TXNDC8: variants seen among roughly 807,000 people sequenced by gnomAD.
TXNDC8 encodes thioredoxin domain-containing protein 8.
A neutral mutation model predicts 12.9 loss-of-function variants in TXNDC8; 15 were observed. That is an observed-to-expected ratio of 1.16 (90% confidence interval 0.78 to 1.79). The LOEUF is 1.79. TXNDC8 is among the 40% of genes most tolerant of loss of function. TXNDC8 has a pLI of 0.00. For missense variants in TXNDC8, 128 were observed against 113.2 expected, an observed-to-expected ratio of 1.13 and a Z score of -0.59; for synonymous variants, 40 against 35.4, an observed-to-expected ratio of 1.13 and a Z score of -0.46.
chr9:110,336,376 A>G (rs1008323600), intron 1 of TXNDC8, among the ~76,000 whole-genome samples: 42 of 152,294 alleles, frequency 2.8e-4, no homozygotes, highest in African/African-American at 7.9e-4. Context: ...AACTTTTCAG[A>G]GAACCTTGCC....
At chr9:110,303,338 C>T (rs936993947), downstream of TXNDC8, among the ~76,000 whole-genome samples, 5 of 152,196 alleles carry the variant, frequency 3.3e-5, no homozygotes, top group Admixed American at 2.0e-4. Flanking sequence ...GGAAATGATG[C>T]AATCTCTCAT....
intron 3 of TXNDC8, among the ~76,000 whole-genome samples, chr9:110,305,867 T>C (rs1213825662): frequency 3.8e-3 from 390 of 102,906 alleles, no homozygotes; most frequent in African/African-American, 0.011. Flanking sequence ...TTTTCTTTTC[T>C]TTTCTTTTCT....
At chr9:110,306,596 C>T (rs1238349763) in intron 3 of TXNDC8, among the ~76,000 whole-genome samples, 2 of 152,164 alleles carry the variant, frequency 1.3e-5, no homozygotes, top group Non-Finnish European at 2.9e-5. Flanking sequence ...TTAACAAATA[C>T]TTAATAAGTG....
chr9:110,309,157 G>A (rs1451588246), intron 3 of TXNDC8, among the ~76,000 whole-genome samples: 1 of 150,090 alleles, frequency 6.7e-6, no homozygotes, highest in Non-Finnish European at 1.5e-5. Flanking sequence ...GATTTGGCTT[G>A]TCTGTGTATA....
At chr9:110,329,340 A>C (rs1839465075) in intron 2 of TXNDC8, 49 bp from the exon 3 acceptor site, 2 of 1,432,638 alleles carry the variant, frequency 1.4e-6, no homozygotes, top group African/African-American at 2.8e-5. Context: ...GTTAATATTA[A>C]AATACACACT....
intron 3 of TXNDC8, chr9:110,324,112 C>T (rs954778743): frequency 3.9e-5 from 54 of 1,368,892 alleles, no homozygotes; most frequent in Non-Finnish European, 4.7e-5. Context: ...TGTCTAAACT[C>T]CAAGTTTTAA....
At chr9:110,322,861 A>G (rs891414655) in intron 3 of TXNDC8, 1 of 985,418 alleles carries the variant, frequency 1.0e-6, no homozygotes, top group Non-Finnish European at 1.2e-6. Flanking sequence ...CATCATGAGT[A>G]TTTTCTATCC....
At chr9:110,302,335 C>T (rs1160479960), downstream of TXNDC8, among the ~76,000 whole-genome samples, 2 of 151,802 alleles carry the variant, frequency 1.3e-5, no homozygotes, top group African/African-American at 4.8e-5. Context: ...AGGGTTTCAC[C>T]ATGTTGCCCA....
chr9:110,305,832 TTTTCC>T (rs879641183), intron 3 of TXNDC8, among the ~76,000 whole-genome samples: 14,229 of 132,200 alleles, frequency 0.11, 1,473 homozygotes, highest in East Asian at 0.42. Flanking sequence ...CTTTCCTTTC[TTTTCC>T]TTTCTTTTCT....
chr9:110,320,331 C>T (rs1201188722), intron 3 of TXNDC8, among the ~76,000 whole-genome samples: 1 of 152,098 alleles, frequency 6.6e-6, no homozygotes, highest in Non-Finnish European at 1.5e-5. Context: ...GTGAATAAGT[C>T]TTATGAGAAC....
At chr9:110,323,926 T>C (rs1425825916) in intron 3 of TXNDC8, 1 of 1,551,000 alleles carries the variant, frequency 6.4e-7, no homozygotes, top group Admixed American at 2.0e-5. Flanking sequence ...TGACTTGGAT[T>C]GGCTTGACTG....
intron 3 of TXNDC8, chr9:110,323,777 A>G (rs1319924787): frequency 2.8e-6 from 4 of 1,431,096 alleles, no homozygotes; most frequent in Non-Finnish European, 3.8e-6. Flanking sequence ...TCTGTGTGGT[A>G]GATTCGTTTT....
At position 110,334,179 on chromosome 9, in the gene TXNDC8, C is replaced by T. The variant is rs1056038217; in HGVS notation, c.129+37G>A. 4 of 1,484,080 alleles carry T rather than the reference C, an allele frequency of 2.7e-6. No homozygotes were observed. The Admixed American group carries it at 8.4e-5, about 31-fold the overall frequency. 91.9% of individuals were successfully genotyped at this position (1,484,080 alleles called of 1,614,324 possible). A position where few individuals can be genotyped will look rare whatever the true frequency, so the allele number is the denominator to read the frequency against. ...AAAAATATTCTGGAACTTTAAATTT[C>T]TTCTGAAACTATGAGATATATACTG... On this transcript the variant is annotated intron_variant, in intron 2 of 4. Transcript: ENST00000423740.
chr9:110,331,613 G>C (rs535294167), intron 2 of TXNDC8, among the ~76,000 whole-genome samples: 4 of 152,094 alleles, frequency 2.6e-5, no homozygotes, highest in Admixed American at 2.6e-4. Context: ...TGATACCAGG[G>C]ACCAGTTTCA....
intron 3 of TXNDC8, among the ~76,000 whole-genome samples, chr9:110,318,751 T>A (rs920389345): frequency 4.9e-4 from 75 of 151,546 alleles, no homozygotes; most frequent in East Asian, 4.7e-3. Flanking sequence ...AAAAAAAAAA[T>A]TTTAAGGGGT....
chr9:110,335,549 G>A (rs1342200930), intron 1 of TXNDC8, among the ~76,000 whole-genome samples: 1 of 152,130 alleles, frequency 6.6e-6, no homozygotes, highest in African/African-American at 2.4e-5. Flanking sequence ...ACACTACAAC[G>A]TGTGTACTAT....
intron 1 of TXNDC8, among the ~76,000 whole-genome samples, chr9:110,337,147 C>T (rs1004223651): frequency 5.9e-5 from 9 of 152,152 alleles, no homozygotes; most frequent in Non-Finnish European, 1.3e-4. Flanking sequence ...ACATGAGGCT[C>T]AGGCCCCAAA....
chr9:110,306,248 T>A (rs767464947), intron 3 of TXNDC8, among the ~76,000 whole-genome samples: 3 of 152,228 alleles, frequency 2.0e-5, no homozygotes, highest in Non-Finnish European at 4.4e-5. Context: ...ACACTTGATA[T>A]TGCCAGTCTT....
At chr9:110,334,862 C>G (rs1481444685) in intron 1 of TXNDC8, among the ~76,000 whole-genome samples, 4 of 151,532 alleles carry the variant, frequency 2.6e-5, no homozygotes, top group Non-Finnish European at 5.9e-5. Context: ...AAGAATTAAT[C>G]TCACACCTTG....
Sources: gnomAD v4.1 joint callset for allele counts (sites outside exome capture counted in the v4.1 genomes callset) on GRCh38, gnomAD v4.1.1 for gene constraint, MANE v1.5 for transcripts, NCBI Gene and HGNC (gene_info 2026-07-23, HGNC 2026-07-21) for gene names.